The following COL27A1 variants were observed in gnomAD, a reference collection of about 807,000 sequenced individuals.
COL27A1 encodes collagen type XXVII alpha 1 chain, also known as collagen alpha-1(XXVII) chain.
Under a neutral mutation model 251.3 loss-of-function variants are expected in COL27A1, and 106 were observed. That is an observed-to-expected ratio of 0.42 (90% CI 0.36 to 0.50). COL27A1 has a LOEUF of 0.50. Ranked by LOEUF, COL27A1 falls within the 20% of genes least tolerant of loss-of-function variation. The pLI, the probability that COL27A1 is intolerant of heterozygous loss-of-function variation, is 0.00. For missense variants in COL27A1, 2,325 were observed against 2,522.8 expected (o/e 0.92, Z 1.68); for synonymous variants, 1,000 against 986.3 (o/e 1.01, Z -0.26).
At chr9:114,231,713 G>A (rs1259974357) in intron 15 of COL27A1, 109 bp from the exon 16 acceptor site, 2 of 1,068,718 alleles carry the variant, frequency 1.9e-6, no homozygotes, top group African/African-American at 3.1e-5. Flanking sequence ...TGAACACTGA[G>A]GTTGGGGGAT....
intron 49 of COL27A1, among the ~76,000 whole-genome samples, chr9:114,296,852 G>A (rs1390859749): frequency 6.6e-6 from 1 of 152,164 alleles, no homozygotes; most frequent in Non-Finnish European, 1.5e-5. Context: ...ATTTTGCAAT[G>A]AAATACAATT....
chr9:114,262,138 C>T (rs558878813), intron 28 of COL27A1, among the ~76,000 whole-genome samples: 1 of 152,182 alleles, frequency 6.6e-6, no homozygotes, highest in East Asian at 1.9e-4. Context: ...CAGCTCAGCC[C>T]CTGTCCCAGC....
intron 10 of COL27A1, among the ~76,000 whole-genome samples, chr9:114,208,393 A>G (rs117778359): frequency 0.041 from 6,186 of 152,236 alleles, 148 homozygotes; most frequent in Middle Eastern, 0.065. Context: ...AGGTTGCAGT[A>G]AGCCACGATC....
chr9:114,235,097 A>AAAAAT (rs1483991429), intron 16 of COL27A1, among the ~76,000 whole-genome samples: 2 of 151,376 alleles, frequency 1.3e-5, no homozygotes, highest in Non-Finnish European at 2.9e-5. Context: ...AAAAAAAAAA[A>AAAAAT]AATAGACCAA....
At chr9:114,190,523 CT>C (rs1828683978) in intron 5 of COL27A1, among the ~76,000 whole-genome samples, 1 of 152,174 alleles carries the variant, frequency 6.6e-6, no homozygotes, top group Admixed American at 6.5e-5. Context: ...CTTCCTTGGC[CT>C]CTTAAAGTGT....
At chr9:114,271,419 G>A (rs1310019244) in intron 36 of COL27A1, 1 of 152,494 alleles carries the variant, frequency 6.6e-6, no homozygotes, top group Non-Finnish European at 1.5e-5. Context: ...AGGCGAAGAG[G>A]CTGAGGCTCA....
Position 114,290,041 on chromosome 9 carries a change from G to A in COL27A1, c.4207-17G>A. 1.9e-6 allele frequency: 3 copies of A among 1,611,542 alleles called. No homozygotes were observed. The highest frequency in any genetic ancestry group is 2.5e-6 in the Non-Finnish European group (3 of 1,179,938). On this transcript the variant is annotated splice_polypyrimidine_tract_variant and intron_variant, in intron 45 of 60. Transcript: ENST00000356083. The surrounding 1 kb of genome is among the most constrained non-coding windows in gnomAD (Gnocchi z 4.6). ...CTCTACCAGGCAGCCTCCATCATGT[G>A]GCCCTTGATTTTTCAGGGACCAAAG... is the stretch of plus-strand genomic sequence containing the variant.
Position 114,176,539 on chromosome 9 carries a change from GT to G in COL27A1, c.1909-1751del, listed in dbSNP as rs1474624662. On this transcript the variant is annotated intron_variant, in intron 3 of 60. Transcript: ENST00000356083. ...TCAAAGCCACCCAGATAGTAGGTGGGTGGGGGGGGGTGCCCTATGTGAACCC... is the reference window on the plus strand; with the variant it reads ...TCAAAGCCACCCAGATAGTAGGTGGGGGGGGGGGGTGCCCTATGTGAACCC... Among the ~76,000 whole-genome samples the G allele has an allele frequency of 4.7e-3, 695 of 146,542 alleles. 16 individuals carry two copies. The highest frequency in any genetic ancestry group is 0.044 in the South Asian group (197 of 4,484).
At position 114,243,536 on chromosome 9, in the gene COL27A1, G is replaced by A. The variant is rs1832905515; in HGVS notation, c.2910G>A (p.Gly970=). ...EGQPGRKGFP[G]RPGLDGVKGE... ...AGCCTGGCAGGAAGGGGTTTCCTGGGAGGCCCGGCCTGGATGGCGTGAAGG... is the reference window on the plus strand; with the variant it reads ...AGCCTGGCAGGAAGGGGTTTCCTGGAAGGCCCGGCCTGGATGGCGTGAAGG... Residue 970 remains glycine, a synonymous_variant, in exon 23 of 61, where the codon GGG becomes GGA. Transcript: ENST00000356083. The A allele has an allele frequency of 6.2e-7, 1 of 1,613,960 alleles. No individual in the cohort carries two copies. The highest frequency in any genetic ancestry group is 1.3e-5 in the African/African-American group (1 of 75,044).
intron 56 of COL27A1, among the ~76,000 whole-genome samples, chr9:114,302,752 C>A (rs1008805317): frequency 2.0e-4 from 30 of 149,568 alleles, no homozygotes; most frequent in African/African-American, 7.4e-4. Context: ...CAAAGAGAGT[C>A]GGGCCAGGGG....
intron 49 of COL27A1, among the ~76,000 whole-genome samples, chr9:114,296,830 A>G (rs1235866528): frequency 6.6e-6 from 1 of 152,254 alleles, no homozygotes; most frequent in Non-Finnish European, 1.5e-5. Flanking sequence ...GTGAATAGAT[A>G]AAGTGTGGTA....
intron 56 of COL27A1, among the ~76,000 whole-genome samples, chr9:114,303,235 T>C: frequency 7.0e-6 from 1 of 142,164 alleles, no homozygotes; most frequent in East Asian, 2.0e-4. Context: ...TTCTTTTTTT[T>C]TCTTTTCTTT....
chr9:114,205,422 A>G (rs1374346871), intron 8 of COL27A1, among the ~76,000 whole-genome samples: 1 of 152,206 alleles, frequency 6.6e-6, no homozygotes, highest in Non-Finnish European at 1.5e-5. Context: ...GTTCCGGGCG[A>G]TGTTAGGGGA....
intron 28 of COL27A1, among the ~76,000 whole-genome samples, chr9:114,261,703 A>G (rs1283973568): frequency 6.6e-6 from 1 of 152,206 alleles, no homozygotes; most frequent in Admixed American, 6.5e-5. Context: ...CCTGACCTGT[A>G]TACCCCCGGT....
chr9:114,304,754 C>T lies in COL27A1; in HGVS notation c.4938+81C>T. On this transcript the variant is annotated intron_variant, in intron 57 of 60. Coordinates refer to ENST00000356083, the MANE Select transcript of COL27A1 (RefSeq NM_032888.4). ...ATAATGGCCCACATGTGGTCAGTGC[C>T]TTCCATGTGGCCTGCATGGAGCATT... is the stretch of plus-strand genomic sequence containing the variant. 3 of 1,239,794 alleles carry T rather than the reference C, an allele frequency of 2.4e-6. No homozygotes were observed. In the South Asian group the frequency reaches 3.7e-5, roughly 15 times the overall value. 76.8% of individuals were successfully genotyped at this position (1,239,794 alleles called of 1,614,324 possible). A position where few individuals can be genotyped will look rare whatever the true frequency, so the allele number is the denominator to read the frequency against.
At chr9:114,253,256 C>T (rs1833664789) in intron 27 of COL27A1, among the ~76,000 whole-genome samples, 1 of 124,812 alleles carries the variant, frequency 8.0e-6, no homozygotes, top group Admixed American at 8.3e-5. Context: ...TAGACCCTGT[C>T]TCAAAAAAAA....
chr9:114,225,836 T>A (rs888161895), intron 14 of COL27A1, among the ~76,000 whole-genome samples: 6 of 152,096 alleles, frequency 3.9e-5, no homozygotes, highest in Non-Finnish European at 7.4e-5. Context: ...AGGAAGGGCG[T>A]GAGAGGACAA....
intron 41 of COL27A1, among the ~76,000 whole-genome samples, chr9:114,285,818 G>A (rs550925577): frequency 4.9e-4 from 75 of 152,348 alleles, no homozygotes; most frequent in African/African-American, 1.7e-3. Flanking sequence ...GCCCTGGTGT[G>A]CCCCAAGGCC....
chr9:114,206,892 GCCA>G (rs1830004288), intron 10 of COL27A1, among the ~76,000 whole-genome samples: 1 of 152,238 alleles, frequency 6.6e-6, no homozygotes, highest in Admixed American at 6.5e-5. Context: ...TCAGGAGGGG[GCCA>G]CCAGGTGGGG....
Sources: allele counts gnomAD v4.1 joint callset (sites outside exome capture counted in the v4.1 genomes callset), GRCh38; gene constraint gnomAD v4.1.1; non-coding constraint Gnocchi (gnomAD v3.1); transcripts MANE v1.5; gene names NCBI Gene and HGNC (gene_info 2026-07-23, HGNC 2026-07-21).